AAK1: variants seen among roughly 807,000 people sequenced by gnomAD.
The protein encoded by AAK1 is AP2 associated kinase 1.
Under a neutral mutation model 116.0 loss-of-function variants are expected in AAK1, and 37 were observed. That is an observed-to-expected ratio of 0.32 (90% CI 0.25 to 0.42). AAK1 has a LOEUF of 0.42. Among genes scored for constraint, AAK1 ranks in the 10% least tolerant of loss-of-function variants. AAK1 has a pLI of 1.00. For synonymous variants in AAK1, 458 were observed against 439.9 expected, an observed-to-expected ratio of 1.04 and a Z score of -0.51; for missense variants, 919 against 1,170.6, an observed-to-expected ratio of 0.79 and a Z score of 3.14.
At chr2:69,551,033 T>C (rs1671160658) in intron 3 of AAK1, among the ~76,000 whole-genome samples, 1 of 152,136 alleles carries the variant, frequency 6.6e-6, no homozygotes, top group African/African-American at 2.4e-5. Flanking sequence ...TGTTTCTTTC[T>C]TTCATGCTTC....
At chr2:69,619,300 T>C (rs1261556825) in intron 2 of AAK1, among the ~76,000 whole-genome samples, 7 of 152,030 alleles carry the variant, frequency 4.6e-5, no homozygotes, top group Admixed American at 1.3e-4. Context: ...CTCCAGAAAA[T>C]TGAGGGTATC....
intron 16 of AAK1, among the ~76,000 whole-genome samples, chr2:69,504,218 G>A (rs1416527759): frequency 6.6e-6 from 1 of 151,174 alleles, no homozygotes; most frequent in Non-Finnish European, 1.5e-5. Flanking sequence ...CCAACATGGT[G>A]AAACTCCATC....
At chr2:69,603,804 T>C (rs1344479748) in intron 2 of AAK1, among the ~76,000 whole-genome samples, 1 of 152,172 alleles carries the variant, frequency 6.6e-6, no homozygotes, top group Non-Finnish European at 1.5e-5. Context: ...AGCATATTAT[T>C]TAGAGAACAT....
intron 2 of AAK1, among the ~76,000 whole-genome samples, chr2:69,606,711 G>GC (rs1673813031): frequency 6.6e-6 from 1 of 152,128 alleles, no homozygotes; most frequent in Non-Finnish European, 1.5e-5. Flanking sequence ...ACAAATATCT[G>GC]CCCTCATGGA....
chr2:69,509,492 T>G, intron 13 of AAK1, 32 bp from the exon 14 acceptor site: 1 of 1,535,464 alleles, frequency 6.5e-7, no homozygotes, highest in South Asian at 1.2e-5. Flanking sequence ...AGTGTTTCAT[T>G]AAATTAAAAA....
At chr2:69,482,653 T>C (rs774978583) in intron 18 of AAK1, 58 bp downstream of exon 18, 1 of 1,414,948 alleles carries the variant, frequency 7.1e-7, no homozygotes, top group South Asian at 1.2e-5. Flanking sequence ...GTACTTGTCA[T>C]TCTTGAAACA....
chr2:69,568,510 A>C (rs1439669445), intron 2 of AAK1, among the ~76,000 whole-genome samples: 1 of 150,854 alleles, frequency 6.6e-6, no homozygotes, highest in Non-Finnish European at 1.5e-5. Context: ...GGCTCACTGA[A>C]GCCTTGAACC....
chr2:69,550,366 G>C (rs148324302), intron 3 of AAK1, among the ~76,000 whole-genome samples: 72 of 152,044 alleles, frequency 4.7e-4, no homozygotes, highest in African/African-American at 1.5e-3. Context: ...GTGCAGTGGC[G>C]CAATCTCAGC....
intron 3 of AAK1, among the ~76,000 whole-genome samples, chr2:69,547,105 C>CTACCTCACACCATATACAAACA (rs1670959522): frequency 6.6e-6 from 1 of 152,152 alleles, no homozygotes; most frequent in Non-Finnish European, 1.5e-5. Context: ...ATTTGGATCC[C>CTACCTCACACCATATACAAACA]TACCTCACAC....
chr2:69,492,244 T>C (rs1675551047), intron 17 of AAK1, among the ~76,000 whole-genome samples: 1 of 152,062 alleles, frequency 6.6e-6, no homozygotes, highest in Non-Finnish European at 1.5e-5. Context: ...GACGGAGTCT[T>C]GCTCTGTCAC....
chr2:69,478,299 A>C (rs1674926956), intron 20 of AAK1, among the ~76,000 whole-genome samples: 1 of 152,214 alleles, frequency 6.6e-6, no homozygotes, highest in Non-Finnish European at 1.5e-5. Context: ...AGTCACTTCA[A>C]CCATCTACTT....
At chr2:69,518,697 G>A (rs959563679) in intron 12 of AAK1, among the ~76,000 whole-genome samples, 1 of 152,108 alleles carries the variant, frequency 6.6e-6, no homozygotes, top group Non-Finnish European at 1.5e-5. Context: ...GATTACAGGC[G>A]CGAGCCACTG....
chr2:69,637,366 G>A lies in AAK1; in HGVS notation c.163+5512C>T, dbSNP rs1008265493. On this transcript the variant is annotated intron_variant, in intron 2 of 21. Transcript: ENST00000409085. ...ATATCTGAAATCCTATGACTGTGAG[G>A]TCCTCAAGGCACAGCCATGTCTCAT... Among the ~76,000 whole-genome samples the A allele has an allele frequency of 3.9e-5, 6 of 152,218 alleles. No homozygotes were observed. In the South Asian group the frequency reaches 8.3e-4, roughly 21 times the overall value.
Position 69,469,927 on chromosome 2 carries a change from GAGA to G in AAK1, c.*5939_*5941del, listed in dbSNP as rs1401688642. The G allele has an allele frequency of 5.1e-6, 5 of 985,314 alleles. No individual in the cohort carries two copies. The South Asian group carries it at 1.4e-4, about 28-fold the overall frequency. 61.0% of individuals were successfully genotyped at this position (985,314 alleles called of 1,614,324 possible). The stretch of plus-strand genomic sequence containing the variant: ...GCAAGAACTCACATGCTTCAGGGAA[GAGA>G]AGGAGTTCCTAAAATACCTGACAAC... On this transcript the variant is annotated 3_prime_UTR_variant, in exon 22 of 22. Transcript: ENST00000409085.
chr2:69,498,149 C>T (rs1261645306), intron 16 of AAK1, among the ~76,000 whole-genome samples: 1 of 151,998 alleles, frequency 6.6e-6, no homozygotes, highest in Non-Finnish European at 1.5e-5. Flanking sequence ...ATTTGGAAAT[C>T]ATGGGGCTCA....
At chr2:69,593,493 A>G (rs1435590600) in intron 2 of AAK1, among the ~76,000 whole-genome samples, 1 of 151,726 alleles carries the variant, frequency 6.6e-6, no homozygotes, top group Non-Finnish European at 1.5e-5. Context: ...TATATATATT[A>G]TATAACATGT....
intron 17 of AAK1, among the ~76,000 whole-genome samples, chr2:69,494,314 C>G (rs1049826048): frequency 6.6e-6 from 1 of 152,114 alleles, no homozygotes; most frequent in African/African-American, 2.4e-5. Flanking sequence ...GCTCTGGTGG[C>G]CCCAGACGCA....
intron 2 of AAK1, among the ~76,000 whole-genome samples, chr2:69,612,844 CT>C (rs1674149376): frequency 6.6e-6 from 1 of 152,230 alleles, no homozygotes; most frequent in Non-Finnish European, 1.5e-5. Context: ...GTGTCTTCCA[CT>C]CTACTATGAT....
chr2:69,546,198 TTG>T (rs1223471054), intron 3 of AAK1, among the ~76,000 whole-genome samples: 1 of 152,130 alleles, frequency 6.6e-6, no homozygotes, highest in Non-Finnish European at 1.5e-5. Context: ...TTCGTATCTG[TTG>T]TTTTATTTTT....
Sources: allele counts gnomAD v4.1 joint callset (sites outside exome capture counted in the v4.1 genomes callset), GRCh38; gene constraint gnomAD v4.1.1; transcripts MANE v1.5; gene names NCBI Gene and HGNC (gene_info 2026-07-23, HGNC 2026-07-21).